TNIP3: variants seen among roughly 807,000 people sequenced by gnomAD.
TNIP3 encodes TNFAIP3 interacting protein 3, also known as TNFAIP3-interacting protein 3.
TNIP3 carries 34 observed loss-of-function variants against 54.1 expected under a neutral mutation model. That is an observed-to-expected ratio of 0.63 (90% CI 0.48 to 0.84). TNIP3 has a LOEUF of 0.84. Ranked by LOEUF, TNIP3 falls within the 40% of genes least tolerant of loss-of-function variation. TNIP3 has a pLI of 0.00. For synonymous variants in TNIP3, 134 were observed against 136.8 expected (o/e 0.98, Z 0.14); for missense variants, 366 against 387.6 (o/e 0.94, Z 0.47).
chr4:121,135,941 A>G (rs970549486), intron 10 of TNIP3, among the ~76,000 whole-genome samples: 1 of 152,216 alleles, frequency 6.6e-6, no homozygotes, highest in Non-Finnish European at 1.5e-5. Flanking sequence ...AAGCTAGTAA[A>G]GGAGGCATAG....
intron 2 of TNIP3, among the ~76,000 whole-genome samples, chr4:121,194,636 C>T (rs1347942669): frequency 6.6e-6 from 1 of 152,124 alleles, no homozygotes; most frequent in Non-Finnish European, 1.5e-5. Flanking sequence ...AAATGAAATA[C>T]TCCCATCATA....
chr4:121,141,346 CT>C (rs2148797066), intron 9 of TNIP3, among the ~76,000 whole-genome samples: 1 of 152,280 alleles, frequency 6.6e-6, no homozygotes, highest in East Asian at 1.9e-4. Flanking sequence ...AAGTGGGTCA[CT>C]TTTTCTTGGA....
chr4:121,219,307 T>C (rs898953348), upstream of TNIP3, among the ~76,000 whole-genome samples: 1 of 152,208 alleles, frequency 6.6e-6, no homozygotes, highest in Non-Finnish European at 1.5e-5. Flanking sequence ...GTTTCCATCT[T>C]TTGATTACTT....
intron 1 of TNIP3, among the ~76,000 whole-genome samples, chr4:121,162,963 G>A (rs1437662917): frequency 2.0e-5 from 3 of 152,124 alleles, no homozygotes; most frequent in Non-Finnish European, 4.4e-5. Flanking sequence ...ATGAGACAGT[G>A]TGCTTTTTGT....
intron 2 of TNIP3, among the ~76,000 whole-genome samples, chr4:121,203,325 G>A (rs115515322): frequency 0.018 from 2,750 of 152,210 alleles, 57 homozygotes; most frequent in Admixed American, 0.029. Context: ...GCAGCAGCCT[G>A]GATAGAATTA....
chr4:121,218,028 C>T (rs1726873516), upstream of TNIP3, among the ~76,000 whole-genome samples: 1 of 151,980 alleles, frequency 6.6e-6, no homozygotes, highest in African/African-American at 2.4e-5. Flanking sequence ...CCATCTGACT[C>T]CTAGTCATGA....
upstream of TNIP3, among the ~76,000 whole-genome samples, chr4:121,167,101 A>G (rs999144529): frequency 6.6e-6 from 1 of 152,188 alleles, no homozygotes; most frequent in African/African-American, 2.4e-5. Flanking sequence ...CAAATTATTT[A>G]TGAAACAAAT....
At chr4:121,220,965 T>C (rs1579514418), upstream of TNIP3, among the ~76,000 whole-genome samples, 1 of 152,124 alleles carries the variant, frequency 6.6e-6, no homozygotes, top group African/African-American at 2.4e-5. Flanking sequence ...GGTGAGTAAG[T>C]GAAGACATAT....
intron 2 of TNIP3, among the ~76,000 whole-genome samples, chr4:121,191,884 T>C (rs925953264): frequency 3.9e-5 from 6 of 152,212 alleles, no homozygotes; most frequent in African/African-American, 1.4e-4. Context: ...TTGATAAAAA[T>C]AATTTTATTC....
At chr4:121,168,907 G>T (rs1263947125), upstream of TNIP3, among the ~76,000 whole-genome samples, 1 of 152,104 alleles carries the variant, frequency 6.6e-6, no homozygotes, top group African/African-American at 2.4e-5. Context: ...GTCAAACCTA[G>T]TTCCACCACT....
intron 2 of TNIP3, among the ~76,000 whole-genome samples, chr4:121,209,150 C>T (rs1000481140): frequency 2.0e-4 from 30 of 152,326 alleles, no homozygotes; most frequent in East Asian, 1.9e-3. Flanking sequence ...AGGGCGAGGA[C>T]GCTGTGTGAC....
rs750188457 is a variant in TNIP3, at chr4:121,141,899, AG to A, written c.801del (p.Cys268ValfsTer53). ...EKQLKQMYCP[P>X]CNCGLVFHLQ... The stretch of plus-strand genomic sequence containing the variant: ...AGGTGGAAAACCAAGCCGCAGTTAC[AG>A]GGTGGGCAATACATCTGAGGAGAAC... On this transcript the variant is annotated frameshift_variant, in exon 9 of 11. Coordinates refer to ENST00000057513, the MANE Select transcript of TNIP3 (RefSeq NM_024873.6). LOFTEE classifies it high-confidence loss of function. 1 of 1,598,344 alleles carries A rather than the reference AG, an allele frequency of 6.3e-7. No individual in the cohort carries two copies. Among genetic ancestry groups the A allele is most frequent in the Non-Finnish European group, 8.5e-7 (1 of 1,172,574 alleles).
chr4:121,145,815 T>A (rs909926701), intron 7 of TNIP3, among the ~76,000 whole-genome samples: 1 of 151,688 alleles, frequency 6.6e-6, no homozygotes, highest in Admixed American at 6.6e-5. Context: ...ATTAGAGTAG[T>A]TGGGCATGTA....
intron 2 of TNIP3, among the ~76,000 whole-genome samples, chr4:121,211,870 G>T (rs1726493790): frequency 6.6e-6 from 1 of 152,196 alleles, no homozygotes; most frequent in Non-Finnish European, 1.5e-5. Context: ...TCTGTGGCCT[G>T]CCTGGGGCCT....
chr4:121,175,521 T>G (rs1018801476), intron 3 of TNIP3, among the ~76,000 whole-genome samples: 3 of 152,222 alleles, frequency 2.0e-5, no homozygotes, highest in African/African-American at 7.2e-5. Flanking sequence ...CCAGGACTGC[T>G]GTGTTCACTA....
intron 2 of TNIP3, among the ~76,000 whole-genome samples, chr4:121,212,907 G>A (rs751726054): frequency 3.9e-5 from 6 of 152,194 alleles, no homozygotes; most frequent in Non-Finnish European, 8.8e-5. Context: ...TTTTCACTTA[G>A]CACATACATA....
chr4:121,154,769 G>T, intron 4 of TNIP3, 90 bp from the exon 5 acceptor site: 1 of 1,228,314 alleles, frequency 8.1e-7, no homozygotes, highest in Non-Finnish European at 1.1e-6. Flanking sequence ...GCCATGGCAG[G>T]CAGATTGAGG....
At chr4:121,199,652 A>G (rs6847834) in intron 2 of TNIP3, among the ~76,000 whole-genome samples, 6,751 of 152,296 alleles carry the variant, frequency 0.044, 497 homozygotes, top group African/African-American at 0.15. Context: ...TAGTGTGTGC[A>G]CCAAGCTTCA....
chr4:121,215,431 T>A (rs963755273), intron 2 of TNIP3, among the ~76,000 whole-genome samples: 2 of 152,208 alleles, frequency 1.3e-5, no homozygotes, highest in African/African-American at 4.8e-5. Flanking sequence ...TCTCAGCTAT[T>A]TAGTCTCTCA....
Sources: allele counts gnomAD v4.1 joint callset (sites outside exome capture counted in the v4.1 genomes callset), GRCh38; gene constraint gnomAD v4.1.1; transcripts MANE v1.5; gene names NCBI Gene and HGNC (gene_info 2026-07-23, HGNC 2026-07-21).